POC5: variants seen among roughly 807,000 people sequenced by gnomAD.
POC5 encodes the protein centrosomal protein POC5.
In POC5, 48 loss-of-function variants were observed where a neutral mutation model predicts 62.9. The observed-to-expected ratio is 0.76, with a 90% CI of 0.61 to 0.97. The LOEUF (loss-of-function observed/expected upper bound fraction) is 0.97. Ranked by LOEUF, POC5 falls within the 50% of genes least tolerant of loss-of-function variation. The pLI, the probability that POC5 is intolerant of heterozygous loss-of-function variation, is 0.00. For missense variants in POC5, 696 were observed against 679.5 expected (o/e 1.02, Z -0.27); for synonymous variants, 236 against 228.2 (o/e 1.03, Z -0.31).
intron 2 of POC5, among the ~76,000 whole-genome samples, chr5:75,708,795 T>C (rs970253747): frequency 6.6e-6 from 1 of 152,204 alleles, no homozygotes; most frequent in African/African-American, 2.4e-5. Flanking sequence ...AAGAGTGACC[T>C]GGTTTGCGCT....
intron 6 of POC5, among the ~76,000 whole-genome samples, 191 bp from the exon 7 acceptor site, chr5:75,692,691 TGAAAG>T (rs1292362455): frequency 6.6e-6 from 1 of 152,052 alleles, no homozygotes; most frequent in African/African-American, 2.4e-5. Context: ...TATCAACTAA[TGAAAG>T]GGAACAAAAG....
intron 2 of POC5, among the ~76,000 whole-genome samples, chr5:75,709,214 G>A (rs942230444): frequency 6.6e-6 from 1 of 152,168 alleles, no homozygotes; most frequent in African/African-American, 2.4e-5. Flanking sequence ...TAAGGCTAAC[G>A]ACAGAAGAGG....
chr5:75,697,533 C>T (rs1395561238), intron 5 of POC5, among the ~76,000 whole-genome samples: 2 of 151,928 alleles, frequency 1.3e-5, no homozygotes, highest in Non-Finnish European at 1.5e-5. Flanking sequence ...CCAGGCCTGC[C>T]CTAAAAGAGC....
chr5:75,696,855 C>G (rs1776620003), intron 5 of POC5, among the ~76,000 whole-genome samples: 2 of 151,508 alleles, frequency 1.3e-5, no homozygotes, highest in African/African-American at 4.8e-5. Flanking sequence ...CAGAGAAGTG[C>G]TTAAAGGAGC....
intron 1 of POC5, among the ~76,000 whole-genome samples, chr5:75,714,859 G>T (rs6879267): frequency 6.6e-6 from 1 of 152,028 alleles, no homozygotes; most frequent in Non-Finnish European, 1.5e-5. Context: ...TTGTGGGAGC[G>T]CCGCACTGGA....
chr5:75,675,150 C>G (rs10075465), intron 11 of POC5, among the ~76,000 whole-genome samples: 39,206 of 152,100 alleles, frequency 0.26, 6,129 homozygotes, highest in East Asian at 0.43. Context: ...ACACCTCAGA[C>G]ATGAGCACTG....
intron 5 of POC5, among the ~76,000 whole-genome samples, chr5:75,698,944 A>G (rs1440335513): frequency 2.0e-5 from 3 of 152,226 alleles, no homozygotes; most frequent in African/African-American, 7.2e-5. Context: ...AAACACCTCT[A>G]TGCAAATAAA....
intron 11 of POC5, 21 bp downstream of exon 11, chr5:75,677,753 G>T: frequency 6.5e-7 from 1 of 1,535,254 alleles, no homozygotes; most frequent in Non-Finnish European, 8.8e-7. Context: ...TTTGACAAAA[G>T]GTCATCAAAT....
At position 75,699,793 on chromosome 5, in the gene POC5, C is replaced by A. The variant is rs368551230; in HGVS notation, c.513+2812G>T. 4.3e-5 allele frequency among the ~76,000 whole-genome samples: 6 copies of A among 140,040 alleles called. No individual in the cohort carries two copies. The East Asian group carries it at 1.2e-3, about 28-fold the overall frequency. 91.9% of individuals were successfully genotyped at this position (140,040 alleles called of 152,430 possible). A position where few individuals can be genotyped will look rare whatever the true frequency, so the allele number is the denominator to read the frequency against. On this transcript the variant is annotated intron_variant, in intron 5 of 11. Coordinates refer to ENST00000428202, the MANE Select transcript of POC5 (RefSeq NM_001099271.2). Reference sequence around the variant, plus strand: ...AAGTCAAATTCTCCCTGTTTGCAGACGACATGATTGTATATCTAGAAAACC... The same window carrying A: ...AAGTCAAATTCTCCCTGTTTGCAGAAGACATGATTGTATATCTAGAAAACC...
chr5:75,677,085 A>C (rs1241147664), intron 11 of POC5, among the ~76,000 whole-genome samples: 1 of 152,182 alleles, frequency 6.6e-6, no homozygotes, highest in Non-Finnish European at 1.5e-5. Flanking sequence ...TTAATCTTGA[A>C]TCCTAACAAT....
In POC5 at chr5:75,694,850, G is replaced by A. The variant is rs2112136691; in HGVS notation, c.514-19C>T. On this transcript the variant is annotated intron_variant, in intron 5 of 11. Transcript: ENST00000428202. ...TGTTTGTCTGAAAAATTAATATAGT[G>A]ACAATTAAGTAGTTTGTTCGTTAAT... 6.8e-7 allele frequency: 1 copy of A among 1,460,192 alleles called. No homozygotes were observed. The highest frequency in any genetic ancestry group is 9.3e-7 in the Non-Finnish European group (1 of 1,070,520). 90.5% of individuals were successfully genotyped at this position (1,460,192 alleles called of 1,614,324 possible).
Position 75,677,815 on chromosome 5 carries a change from T to C in POC5, c.1543A>G (p.Met515Val). The change falls in exon 11 of 12, where the codon ATG becomes GTG. Residue 515 changes from methionine to valine, a missense_variant. Transcript: ENST00000428202. ...SLAIMGVSPP[M>V]SSVVVEKHHP... ...TGTTTTTCCACAACAACTGAGCTCA[T>C]GGGAGGAGAAACTCCCATTATAGCT... 1.2e-6 allele frequency: 2 copies of C among 1,612,420 alleles called. No individual in the cohort carries two copies. The highest frequency in any genetic ancestry group is 1.7e-5 in the Admixed American group (1 of 59,810).
At chr5:75,675,898 T>C (rs1393992435) in intron 11 of POC5, among the ~76,000 whole-genome samples, 2 of 152,218 alleles carry the variant, frequency 1.3e-5, no homozygotes, top group African/African-American at 4.8e-5. Flanking sequence ...CCTTGGTTTT[T>C]TAGTAATAAC....
Position 75,677,958 on chromosome 5 carries a change from GAA to G in POC5, c.1408-10_1408-9del. On this transcript the variant is annotated splice_polypyrimidine_tract_variant and intron_variant, in intron 10 of 11. Transcript: ENST00000428202. ...TACAACTCTTGGCACATACTAAGAA[GAA>G]AAAAAAATAAAAGAAGTAACAAGGT... 4 of 1,458,666 alleles carry G rather than the reference GAA, an allele frequency of 2.7e-6. No individual in the cohort carries two copies. Among genetic ancestry groups the G allele is most frequent in the East Asian group, 2.5e-5 (1 of 39,250 alleles). The allele number at this position is 1,458,666 out of a possible 1,614,324, so 90.4% of individuals were successfully genotyped here.
intron 7 of POC5, among the ~76,000 whole-genome samples, chr5:75,690,796 T>C (rs530609704): frequency 6.6e-6 from 1 of 152,332 alleles, no homozygotes; most frequent in Non-Finnish European, 1.5e-5. Context: ...GACTGAGCTC[T>C]TATCCATTAC....
chr5:75,715,724 C>A (rs74343614), intron 1 of POC5, among the ~76,000 whole-genome samples: 2,706 of 152,222 alleles, frequency 0.018, 23 homozygotes, highest in Non-Finnish European at 0.028. Flanking sequence ...GAAAGAAGAT[C>A]TTTCGCTTTA....
In POC5 at chr5:75,685,497, A is replaced by C. The variant is rs17563610; in HGVS notation, c.1130-13T>G. On this transcript the variant is annotated splice_polypyrimidine_tract_variant and intron_variant, in intron 9 of 11. Coordinates refer to ENST00000428202, the MANE Select transcript of POC5 (RefSeq NM_001099271.2). ...GTGGAGTCTATCCCTATAAATCACA[A>C]ATTAATTCCATTCAAATTCTTCCAG... 3 of 1,592,740 alleles carry C rather than the reference A, an allele frequency of 1.9e-6. No homozygotes were observed. Among genetic ancestry groups the C allele is most frequent in the Middle Eastern group, 1.7e-4 (1 of 6,010 alleles).
intron 2 of POC5, among the ~76,000 whole-genome samples, chr5:75,710,629 G>T (rs1173301245): frequency 6.6e-6 from 1 of 152,182 alleles, no homozygotes; most frequent in Non-Finnish European, 1.5e-5. Flanking sequence ...ACCCTTTTGG[G>T]CTGTGATCTG....
intron 2 of POC5, among the ~76,000 whole-genome samples, chr5:75,709,100 G>T (rs1479356234): frequency 6.6e-6 from 1 of 152,142 alleles, no homozygotes; most frequent in African/African-American, 2.4e-5. Context: ...AAAGTGCTAG[G>T]ATTACAGGCG....
Sources: allele counts gnomAD v4.1 joint callset (sites outside exome capture counted in the v4.1 genomes callset), GRCh38; gene constraint gnomAD v4.1.1; transcripts MANE v1.5; gene names NCBI Gene and HGNC (gene_info 2026-07-23, HGNC 2026-07-21).